Variants in MARCHF1 observed in about 807,000 individuals in gnomAD.
MARCHF1 encodes the protein E3 ubiquitin-protein ligase MARCHF1.
Under a neutral mutation model 54.2 loss-of-function variants are expected in MARCHF1, and 40 were observed. The observed-to-expected ratio is 0.74, with a 90% confidence interval of 0.57 to 0.96. The LOEUF (loss-of-function observed/expected upper bound fraction) is 0.96. Among genes scored for constraint, MARCHF1 ranks in the 40% least tolerant of loss-of-function variants. The probability of loss-of-function intolerance (pLI) is 0.00; values close to 1 mark genes in which losing one functional copy is unlikely to be tolerated. For synonymous variants in MARCHF1, 236 were observed against 236.3 expected, an observed-to-expected ratio of 1.00 and a Z score of 0.01; for missense variants, 586 against 656.5, an observed-to-expected ratio of 0.89 and a Z score of 1.17.
At chr4:163,838,921 A>T (rs1749263985) in intron 4 of MARCHF1, among the ~76,000 whole-genome samples, 1 of 152,122 alleles carries the variant, frequency 6.6e-6, no homozygotes, top group South Asian at 2.1e-4. Context: ...ATCAAAGTGA[A>T]AAACTTTTAT....
At chr4:164,300,855 T>A (rs1001996623) in intron 1 of MARCHF1, among the ~76,000 whole-genome samples, 2 of 152,114 alleles carry the variant, frequency 1.3e-5, no homozygotes, top group Non-Finnish European at 2.9e-5. Context: ...TACATGCAAA[T>A]GGTAAAGCGG....
intron 2 of MARCHF1, among the ~76,000 whole-genome samples, chr4:164,011,092 C>A (rs113233416): frequency 6.6e-6 from 1 of 152,010 alleles, no homozygotes; most frequent in Non-Finnish European, 1.5e-5. Context: ...CCCCTATTCT[C>A]GAACCACGCC....
At chr4:164,169,942 C>G (rs989470883) in intron 1 of MARCHF1, among the ~76,000 whole-genome samples, 2 of 152,064 alleles carry the variant, frequency 1.3e-5, no homozygotes, top group Non-Finnish European at 2.9e-5. Context: ...TCCATTTACC[C>G]TTCATTTAAC....
chr4:163,636,790 C>T (rs1224342571), intron 5 of MARCHF1, among the ~76,000 whole-genome samples: 2 of 152,102 alleles, frequency 1.3e-5, no homozygotes, highest in African/African-American at 4.8e-5. Flanking sequence ...ATTGCCAAGT[C>T]AATCCTAAGC....
At position 163,528,615 on chromosome 4, in the gene MARCHF1, A is replaced by AAGTC. The variant is rs1263017198; in HGVS notation, c.*129_*132dup. The AAGTC allele has an allele frequency of 5.5e-5, 51 of 929,250 alleles. No individual in the cohort carries two copies. The African/African-American group carries it at 5.5e-4, about 10-fold the overall frequency. 57.6% of individuals were successfully genotyped at this position (929,250 alleles called of 1,614,324 possible). A position where few individuals can be genotyped will look rare whatever the true frequency, so the allele number is the denominator to read the frequency against. On this transcript the variant is annotated 3_prime_UTR_variant, in exon 10 of 10. Coordinates refer to ENST00000514618, the MANE Select transcript of MARCHF1 (RefSeq NM_001394959.1). ...GTTTTTCTCCTTTCCTCTTTGAACAAAGTCAGGAAAAATGTGTCAGTAGGA... is the reference window on the plus strand; with the variant it reads ...GTTTTTCTCCTTTCCTCTTTGAACAAAGTCAGTCAGGAAAAATGTGTCAGTAGGA...
intron 4 of MARCHF1, among the ~76,000 whole-genome samples, chr4:163,781,444 A>G (rs572266111): frequency 6.6e-6 from 1 of 152,308 alleles, no homozygotes; most frequent in African/African-American, 2.4e-5. Flanking sequence ...TTGGTGGCGG[A>G]GGGGAGCCTT....
intron 1 of MARCHF1, among the ~76,000 whole-genome samples, chr4:164,247,396 G>C (rs950423832): frequency 6.6e-6 from 1 of 150,876 alleles, no homozygotes; most frequent in African/African-American, 2.4e-5. Flanking sequence ...TCATAGGTGG[G>C]AATTGAACAA....
intron 3 of MARCHF1, among the ~76,000 whole-genome samples, chr4:163,982,804 T>A (rs1752789373): frequency 6.6e-6 from 1 of 152,146 alleles, no homozygotes; most frequent in Admixed American, 6.5e-5. Context: ...CATGTCCTTA[T>A]ACAAGCCACC....
chr4:163,908,112 C>T (rs1751110829), intron 3 of MARCHF1, among the ~76,000 whole-genome samples: 1 of 152,118 alleles, frequency 6.6e-6, no homozygotes, highest in Non-Finnish European at 1.5e-5. Flanking sequence ...ATTAATTCAG[C>T]AATATAGGTT....
At position 163,770,521 on chromosome 4, in the gene MARCHF1, A is replaced by AAC. The variant is rs36201521; in HGVS notation, c.112-69660_112-69659dup. ...TGTTAGAATACATTTTCCCTCACTG[A>AAC]ACACACACACACACACACACACACA... is the stretch of plus-strand genomic sequence containing the variant. On this transcript the variant is annotated intron_variant, in intron 4 of 9. Transcript: ENST00000514618. Among the ~76,000 whole-genome samples the AAC allele has an allele frequency of 2.3e-3, 342 of 147,288 alleles. 4 individuals are homozygous for AAC. The highest frequency in any genetic ancestry group is 8.0e-3 in the African/African-American group (315 of 39,506).
At chr4:163,961,679 T>C (rs1407212833) in intron 3 of MARCHF1, among the ~76,000 whole-genome samples, 1 of 151,950 alleles carries the variant, frequency 6.6e-6, no homozygotes, top group Non-Finnish European at 1.5e-5. Context: ...TCTTTCTTAG[T>C]AAATGCCTTT....
intron 4 of MARCHF1, among the ~76,000 whole-genome samples, chr4:163,757,110 T>G (rs947596808): frequency 2.0e-5 from 3 of 152,234 alleles, no homozygotes; most frequent in Admixed American, 1.3e-4. Context: ...AAAATCTTTG[T>G]TAAATCAGTA....
intron 1 of MARCHF1, among the ~76,000 whole-genome samples, chr4:164,281,193 CA>C (rs1232419954): frequency 6.6e-6 from 1 of 152,090 alleles, no homozygotes; most frequent in Non-Finnish European, 1.5e-5. Context: ...ATCATTCAAG[CA>C]AAATTCAAGC....
intron 1 of MARCHF1, among the ~76,000 whole-genome samples, chr4:164,299,062 A>G (rs1734484056): frequency 6.6e-6 from 1 of 152,176 alleles, no homozygotes; most frequent in African/African-American, 2.4e-5. Context: ...CTATCTCAAA[A>G]CATATTCTCC....
chr4:163,697,187 T>A (rs767677105), intron 5 of MARCHF1, among the ~76,000 whole-genome samples: 4 of 151,978 alleles, frequency 2.6e-5, no homozygotes, highest in Non-Finnish European at 5.9e-5. Context: ...GTGCTCAAAG[T>A]TTTTACTGGG....
chr4:163,655,988 C>G (rs1743124334), intron 5 of MARCHF1, among the ~76,000 whole-genome samples: 1 of 151,454 alleles, frequency 6.6e-6, no homozygotes, highest in African/African-American at 2.4e-5. Flanking sequence ...GACATCACAA[C>G]TGAAAAAACT....
At chr4:164,268,713 T>C (rs1351842614) in intron 1 of MARCHF1, among the ~76,000 whole-genome samples, 3 of 152,320 alleles carry the variant, frequency 2.0e-5, no homozygotes, top group East Asian at 3.9e-4. Context: ...GATCAAATTC[T>C]GACTACTATT....
At chr4:163,952,192 G>A (rs1345528332) in intron 3 of MARCHF1, among the ~76,000 whole-genome samples, 4 of 152,062 alleles carry the variant, frequency 2.6e-5, no homozygotes, top group African/African-American at 4.8e-5. Context: ...AATCAAAGTC[G>A]AACACTGTTG....
chr4:163,803,569 T>C (rs1193576336), intron 4 of MARCHF1, among the ~76,000 whole-genome samples: 1 of 152,194 alleles, frequency 6.6e-6, no homozygotes, highest in Non-Finnish European at 1.5e-5. Context: ...TTTGCAAGCA[T>C]ATTCTCTTTC....
Sources: gnomAD v4.1 joint callset for allele counts (sites outside exome capture counted in the v4.1 genomes callset) on GRCh38, gnomAD v4.1.1 for gene constraint, MANE v1.5 for transcripts, NCBI Gene and HGNC (gene_info 2026-07-23, HGNC 2026-07-21) for gene names.